Variants in ZFYVE28 observed in about 807,000 individuals in gnomAD.
The protein encoded by ZFYVE28 is zinc finger FYVE-type containing 28, also known as lateral signaling target protein 2 homolog.
Under a neutral mutation model 82.1 loss-of-function variants are expected in ZFYVE28, and 40 were observed. The observed-to-expected ratio is 0.49, with a 90% CI of 0.38 to 0.63. The LOEUF is 0.63. Ranked by LOEUF, ZFYVE28 falls within the 30% of genes least tolerant of loss-of-function variation. The pLI is 0.00. For missense variants in ZFYVE28, 1,321 were observed against 1,242.1 expected, an observed-to-expected ratio of 1.06 and a Z score of -0.96; for synonymous variants, 612 against 546.1, an observed-to-expected ratio of 1.12 and a Z score of -1.68.
chr4:2,413,435 C>T (rs1732722596), intron 1 of ZFYVE28, among the ~76,000 whole-genome samples: 1 of 152,238 alleles, frequency 6.6e-6, no homozygotes, highest in Admixed American at 6.5e-5. Flanking sequence ...GAACCACACA[C>T]AGCTGAGAGA....
At chr4:2,298,435 G>T (rs1217271318) in intron 8 of ZFYVE28, among the ~76,000 whole-genome samples, 3 of 152,174 alleles carry the variant, frequency 2.0e-5, no homozygotes, top group Non-Finnish European at 4.4e-5. Context: ...ATGGAGCAGG[G>T]CACTCCCCAC....
At chr4:2,359,574 G>A (rs577901355) in intron 1 of ZFYVE28, among the ~76,000 whole-genome samples, 62 of 152,306 alleles carry the variant, frequency 4.1e-4, no homozygotes, top group African/African-American at 1.3e-3. Flanking sequence ...GGCCAAAGGC[G>A]GTGTCTGCAA....
chr4:2,404,086 T>C lies in ZFYVE28; in HGVS notation c.39+14199A>G, dbSNP rs552553225. Among the ~76,000 whole-genome samples, 7 of 151,792 alleles carry C rather than the reference T, an allele frequency of 4.6e-5. No individual in the cohort carries two copies. In the South Asian group the frequency reaches 8.3e-4, roughly 18 times the overall value. ...CTGTAATCCCAGCACATTGGGAGGC[T>C]GAGACGGGCGGATCACGAGGTCAGG... On this transcript the variant is annotated intron_variant, in intron 1 of 12. Coordinates refer to ENST00000290974, the MANE Select transcript of ZFYVE28 (RefSeq NM_020972.3).
rs1293175695 is a variant in ZFYVE28, at chr4:2,385,717, T to C, written c.40-31644A>G. Among the ~76,000 whole-genome samples, 3 of 151,900 alleles carry C rather than the reference T, an allele frequency of 2.0e-5. No individual in the cohort carries two copies. In the East Asian group the frequency reaches 5.8e-4, roughly 29 times the overall value. On this transcript the variant is annotated intron_variant, in intron 1 of 12. Coordinates refer to ENST00000290974, the MANE Select transcript of ZFYVE28 (RefSeq NM_020972.3). ...CTTCTTCAGGACAGCACGGGGCAGATTTCCCTTCTCACAAAACAAAAAAAA... is the reference window on the plus strand; with the variant it reads ...CTTCTTCAGGACAGCACGGGGCAGACTTCCCTTCTCACAAAACAAAAAAAA...
chr4:2,350,034 G>GACACAGAC (rs1553850602), intron 2 of ZFYVE28, among the ~76,000 whole-genome samples: 1 of 148,732 alleles, frequency 6.7e-6, no homozygotes, highest in Non-Finnish European at 1.5e-5. Context: ...GTGACACACA[G>GACACAGAC]ACACACACAC....
At chr4:2,271,627 C>A (rs760791425) in intron 11 of ZFYVE28, 48 bp downstream of exon 11, 2 of 1,580,998 alleles carry the variant, frequency 1.3e-6, no homozygotes, top group African/African-American at 1.3e-5. Flanking sequence ...CTCCCACAGC[C>A]CCCACTGGTG....
At chr4:2,303,400 C>G (rs1281914160) in intron 8 of ZFYVE28, among the ~76,000 whole-genome samples, 1 of 152,222 alleles carries the variant, frequency 6.6e-6, no homozygotes, top group East Asian at 1.9e-4. Flanking sequence ...TCCCCATCTG[C>G]TGCCCGGCTC....
chr4:2,407,175 T>TG (rs1732015014), intron 1 of ZFYVE28, among the ~76,000 whole-genome samples: 1 of 152,154 alleles, frequency 6.6e-6, no homozygotes, highest in Non-Finnish European at 1.5e-5. Context: ...ATTTTCCTCT[T>TG]GGAGTACATT....
chr4:2,393,493 C>G (rs1392959822), intron 1 of ZFYVE28, among the ~76,000 whole-genome samples: 6 of 152,204 alleles, frequency 3.9e-5, no homozygotes, highest in Admixed American at 3.9e-4. Flanking sequence ...TGGGACCTGC[C>G]ATAACCACCC....
In ZFYVE28 at chr4:2,333,254, TCCCCCACCTCCCTCCCCAAGCTGCC is replaced by T. The variant is rs1418624178; in HGVS notation, c.701+2426_701+2450del. 0.011 allele frequency among the ~76,000 whole-genome samples: 268 copies of T among 24,116 alleles called. 11 individuals are homozygous for T. In the East Asian group the frequency reaches 0.24, roughly 22 times the overall value. The allele number at this position is 24,116 out of a possible 152,430, so 15.8% of individuals were successfully genotyped here. A position where few individuals can be genotyped will look rare whatever the true frequency, so the allele number is the denominator to read the frequency against. Reference sequence around the variant, plus strand: ...GCTGCCCTTCCCTGACCCCCCACACTCCCCCACCTCCCTCCCCAAGCTGCCCCCCCACCTCCCTCCTCTGGCCTCC... The same window carrying T: ...GCTGCCCTTCCCTGACCCCCCACACTCCCCCACCTCCCTCCTCTGGCCTCC... On this transcript the variant is annotated intron_variant, in intron 6 of 12. Transcript: ENST00000290974.
Position 2,417,159 on chromosome 4 carries a change from C to G in ZFYVE28, c.39+1126G>C, listed in dbSNP as rs548295762. Reference sequence around the variant, plus strand: ...GCCTCGGACGTCCGAGCTGCCCGGACGAAGCGCTGGCCCCACTCCCGCCCT... The same window carrying G: ...GCCTCGGACGTCCGAGCTGCCCGGAGGAAGCGCTGGCCCCACTCCCGCCCT... On this transcript the variant is annotated intron_variant, in intron 1 of 12. Coordinates refer to ENST00000290974, the MANE Select transcript of ZFYVE28 (RefSeq NM_020972.3). The surrounding 1 kb of genome is among the most constrained non-coding windows in gnomAD (Gnocchi z 4.8). Among the ~76,000 whole-genome samples the G allele has an allele frequency of 3.9e-5, 6 of 152,260 alleles. No individual in the cohort carries two copies. Among genetic ancestry groups the G allele is most frequent in the East Asian group, 1.9e-4 (1 of 5,176 alleles).
At chr4:2,340,657 C>T (rs1722642613) in intron 3 of ZFYVE28, among the ~76,000 whole-genome samples, 1 of 152,200 alleles carries the variant, frequency 6.6e-6, no homozygotes, top group Non-Finnish European at 1.5e-5. Flanking sequence ...ACAGAACACG[C>T]TCCATCTCAT....
At chr4:2,401,900 C>T (rs942315559) in intron 1 of ZFYVE28, among the ~76,000 whole-genome samples, 3 of 152,332 alleles carry the variant, frequency 2.0e-5, no homozygotes, top group African/African-American at 4.8e-5. Context: ...ACCTTTCAAA[C>T]AAAACCAGTT....
At chr4:2,309,661 G>A (rs551595544) in intron 7 of ZFYVE28, among the ~76,000 whole-genome samples, 18 of 152,172 alleles carry the variant, frequency 1.2e-4, no homozygotes, top group Middle Eastern at 3.4e-3. Flanking sequence ...CACTTGCTGG[G>A]CCAGAAAACA....
At chr4:2,387,056 T>TCCAGGG (rs761181680) in intron 1 of ZFYVE28, among the ~76,000 whole-genome samples, 18 of 152,042 alleles carry the variant, frequency 1.2e-4, no homozygotes, top group African/African-American at 4.1e-4. Flanking sequence ...TGCAGGAGAC[T>TCCAGGG]CCGGGGCCGG....
chr4:2,341,519 G>T lies in ZFYVE28; in HGVS notation c.277C>A (p.Arg93=), dbSNP rs760607327. 5 of 1,613,818 alleles carry T rather than the reference G, an allele frequency of 3.1e-6. No homozygotes were observed. The highest frequency in any genetic ancestry group is 4.2e-6 in the Non-Finnish European group (5 of 1,180,018). ...AGCTGGCCGGCCAGGTTGTCGTGCC[G>T]GATCTCCTCAGGGAACTTGACGCAG... ...DFCVKFPEEI[R]HDNLAGQLWF... is the part of the protein sequence containing the mutation. Residue 93 remains arginine, a synonymous_variant, in exon 3 of 13, where the codon CGG becomes AGG. Transcript: ENST00000290974. This position sits in a 1 kb window ranked among gnomAD's most constrained non-coding sequence, Gnocchi z 4.5.
At chr4:2,326,874 G>A (rs150359215) in intron 6 of ZFYVE28, among the ~76,000 whole-genome samples, 2 of 152,024 alleles carry the variant, frequency 1.3e-5, no homozygotes, top group Non-Finnish European at 2.9e-5. Flanking sequence ...TTTGTGTCTT[G>A]ATTTTGTGTC....
chr4:2,412,760 G>A lies in ZFYVE28; in HGVS notation c.39+5525C>T, dbSNP rs149726205. Among the ~76,000 whole-genome samples the A allele has an allele frequency of 6.1e-3, 926 of 152,240 alleles. 4 individuals are homozygous for A. Among genetic ancestry groups the A allele is most frequent in the Middle Eastern group, 0.02 (6 of 294 alleles). On this transcript the variant is annotated intron_variant, in intron 1 of 12. Transcript: ENST00000290974. ...TCAGATGTGCACCTTCACACATTTA[G>A]AGCAAGCACATCCGGTATTCTGGGA...
At chr4:2,391,672 C>T (rs1188358795) in intron 1 of ZFYVE28, among the ~76,000 whole-genome samples, 2 of 151,672 alleles carry the variant, frequency 1.3e-5, no homozygotes, top group Non-Finnish European at 2.9e-5. Context: ...CCCTGGCACC[C>T]ACCACTCTCC....
Sources: gnomAD v4.1 joint callset for allele counts (sites outside exome capture counted in the v4.1 genomes callset) on GRCh38, gnomAD v4.1.1 for gene constraint, Gnocchi (gnomAD v3.1) non-coding constraint, MANE v1.5 for transcripts, NCBI Gene and HGNC (gene_info 2026-07-23, HGNC 2026-07-21) for gene names.